TENM3: variants seen among roughly 807,000 people sequenced by gnomAD.
The protein encoded by TENM3 is teneurin transmembrane protein 3, also known as teneurin-3.
A neutral mutation model predicts 255.1 loss-of-function variants in TENM3; 63 were observed. The ratio of observed to expected loss-of-function variants is 0.25; its 90% CI spans 0.20 to 0.30. The LOEUF (loss-of-function observed/expected upper bound fraction) is 0.30, where lower values mean the gene tolerates loss of function less well. Ranked by LOEUF, TENM3 falls within the 10% of genes least tolerant of loss-of-function variation. TENM3 has a pLI of 1.00. For missense variants in TENM3, 2,929 were observed against 3,461.1 expected (o/e 0.85, Z 3.86); for synonymous variants, 1,306 against 1,322.3 (o/e 0.99, Z 0.27).
the TENM3 span, among the ~76,000 whole-genome samples, chr4:181,582,975 A>G: frequency 6.6e-6 from 1 of 152,226 alleles, no homozygotes; most frequent in African/African-American, 2.4e-5. Context: ...TTATGCATGT[A>G]GCATTACTGC....
At chr4:181,455,473 A>G in the TENM3 span, among the ~76,000 whole-genome samples, 4 of 152,172 alleles carry the variant, frequency 2.6e-5, no homozygotes, top group African/African-American at 7.2e-5. Flanking sequence ...GAACTCCTCT[A>G]AACACATATT....
intron 3 of TENM3, among the ~76,000 whole-genome samples, chr4:182,572,442 CACTT>C (rs1191584184): frequency 6.6e-6 from 1 of 152,184 alleles, no homozygotes; most frequent in East Asian, 1.9e-4. Context: ...TTTACTGAGT[CACTT>C]ACTTCAGTAC....
At chr4:181,990,131 G>A in the TENM3 span, among the ~76,000 whole-genome samples, 34 of 152,106 alleles carry the variant, frequency 2.2e-4, no homozygotes, top group Middle Eastern at 6.8e-3. Context: ...AAGCTTGTAC[G>A]TATTTCCTCT....
the TENM3 span, among the ~76,000 whole-genome samples, chr4:181,545,804 G>A: frequency 6.6e-6 from 1 of 152,114 alleles, no homozygotes; most frequent in Non-Finnish European, 1.5e-5. Context: ...AATAGTCCTA[G>A]ATCATTTCTA....
chr4:182,444,421 TA>T (rs1179719226), intron 3 of TENM3, among the ~76,000 whole-genome samples: 3 of 152,130 alleles, frequency 2.0e-5, no homozygotes, highest in Non-Finnish European at 1.5e-5. Context: ...GATATGCTTT[TA>T]AAAATATATA....
chr4:181,872,645 T>G, the TENM3 span, among the ~76,000 whole-genome samples: 18 of 152,210 alleles, frequency 1.2e-4, no homozygotes, highest in African/African-American at 4.3e-4. Context: ...GTGATCATAT[T>G]CCCTCTTTCA....
the TENM3 span, among the ~76,000 whole-genome samples, chr4:181,583,199 G>A: frequency 2.0e-5 from 3 of 151,380 alleles, no homozygotes; most frequent in Non-Finnish European, 4.4e-5. Context: ...TAATAGCCAC[G>A]AGATTTCCCT....
chr4:181,953,412 C>A, the TENM3 span, among the ~76,000 whole-genome samples: 5 of 152,042 alleles, frequency 3.3e-5, no homozygotes, highest in Admixed American at 1.3e-4. Context: ...CATGCACATA[C>A]CCACACAAAC....
At chr4:182,517,350 AT>A (rs958128254) in intron 3 of TENM3, among the ~76,000 whole-genome samples, 3 of 139,162 alleles carry the variant, frequency 2.2e-5, no homozygotes, top group African/African-American at 8.2e-5. Context: ...GTAGTCTGTT[AT>A]TTGGTTTAAA....
the TENM3 span, among the ~76,000 whole-genome samples, chr4:181,648,743 A>T: frequency 2.0e-5 from 3 of 152,210 alleles, no homozygotes; most frequent in African/African-American, 7.2e-5. Context: ...CCTTCTAATG[A>T]TTAATAATTG....
the TENM3 span, among the ~76,000 whole-genome samples, chr4:181,533,050 G>T: frequency 6.6e-6 from 1 of 152,062 alleles, no homozygotes; most frequent in Non-Finnish European, 1.5e-5. Context: ...TTCTACCCGG[G>T]GTTTTGGGGA....
intron 3 of TENM3, among the ~76,000 whole-genome samples, chr4:182,452,226 T>C (rs965548514): frequency 5.3e-5 from 8 of 152,084 alleles, no homozygotes; most frequent in Admixed American, 3.3e-4. Flanking sequence ...TATTTGAATG[T>C]TGTGGGAAAA....
chr4:182,306,285 G>A (rs1762130110), intron 1 of TENM3, among the ~76,000 whole-genome samples: 1 of 151,564 alleles, frequency 6.6e-6, no homozygotes, highest in Non-Finnish European at 1.5e-5. Flanking sequence ...TGACCTCCTA[G>A]GCTCAGGTGA....
chr4:181,633,476 C>T, the TENM3 span, among the ~76,000 whole-genome samples: 7 of 152,158 alleles, frequency 4.6e-5, no homozygotes, highest in Admixed American at 1.3e-4. Flanking sequence ...AGTCACACTC[C>T]GAAACGCAGA....
upstream of TENM3, among the ~76,000 whole-genome samples, chr4:182,239,490 A>G (rs542724035): frequency 3.2e-4 from 49 of 152,338 alleles, no homozygotes; most frequent in South Asian, 8.9e-3. Context: ...TGTTTCTAAA[A>G]GCTGGCAAGA....
At chr4:181,912,752 AC>A in the TENM3 span, among the ~76,000 whole-genome samples, 2 of 151,178 alleles carry the variant, frequency 1.3e-5, no homozygotes. Flanking sequence ...AGCCTGGGCC[AC>A]AAAGCAAGAC....
At chr4:182,465,911 TA>T (rs1389662271) in intron 3 of TENM3, among the ~76,000 whole-genome samples, 1 of 152,202 alleles carries the variant, frequency 6.6e-6, no homozygotes, top group African/African-American at 2.4e-5. Flanking sequence ...TGTTTTCTTC[TA>T]TTTTTTTAAT....
At chr4:182,758,774 G>A (rs1265734444) in intron 22 of TENM3, among the ~76,000 whole-genome samples, 1 of 152,106 alleles carries the variant, frequency 6.6e-6, no homozygotes, top group East Asian at 1.9e-4. Context: ...ACCACAACGA[G>A]ATTGTGAAAA....
chr4:182,200,522 A>T (rs1420817841), intron 1 of TENM3, among the ~76,000 whole-genome samples: 1 of 152,232 alleles, frequency 6.6e-6, no homozygotes, highest in Non-Finnish European at 1.5e-5. Context: ...TTGCCTTTTA[A>T]TGGGAAATAT....
Sources: allele counts gnomAD v4.1 joint callset (sites outside exome capture counted in the v4.1 genomes callset), GRCh38; gene constraint gnomAD v4.1.1; transcripts MANE v1.5; gene names NCBI Gene and HGNC (gene_info 2026-07-23, HGNC 2026-07-21).